ASTN2: variants seen among roughly 807,000 people sequenced by gnomAD.
The protein encoded by ASTN2 is astrotactin 2, also known as astrotactin-2.
Under a neutral mutation model 139.8 loss-of-function variants are expected in ASTN2, and 54 were observed. That is an observed-to-expected ratio of 0.39 (90% confidence interval 0.31 to 0.48). The LOEUF (loss-of-function observed/expected upper bound fraction) is 0.48. Among genes scored for constraint, ASTN2 ranks in the 20% least tolerant of loss-of-function variants. The pLI is 0.95. For synonymous variants in ASTN2, 756 were observed against 719.5 expected (o/e 1.05, Z -0.81); for missense variants, 1,565 against 1,725.1 (o/e 0.91, Z 1.64).
chr9:116,868,059 G>A (rs1422766621), intron 10 of ASTN2, among the ~76,000 whole-genome samples: 1 of 152,146 alleles, frequency 6.6e-6, no homozygotes, highest in African/African-American at 2.4e-5. Context: ...TGGGGGCGGA[G>A]GCAGGCTGGA....
chr9:116,781,533 G>A (rs1295582479), intron 13 of ASTN2, among the ~76,000 whole-genome samples: 1 of 152,258 alleles, frequency 6.6e-6, no homozygotes, highest in East Asian at 1.9e-4. Flanking sequence ...CGGTCCACAA[G>A]CCCAGCAGAG....
chr9:117,285,242 A>C (rs1178886623), intron 2 of ASTN2, among the ~76,000 whole-genome samples: 1 of 149,800 alleles, frequency 6.7e-6, no homozygotes. Context: ...GAGACCCCAT[A>C]GTTGGCTCAA....
At chr9:117,027,724 A>G (rs1054141299) in intron 6 of ASTN2, among the ~76,000 whole-genome samples, 1 of 152,184 alleles carries the variant, frequency 6.6e-6, no homozygotes, top group Non-Finnish European at 1.5e-5. Context: ...ACTCCTGTCT[A>G]TATGTCCTGA....
At chr9:116,806,968 G>A (rs1408999260) in intron 12 of ASTN2, among the ~76,000 whole-genome samples, 1 of 152,070 alleles carries the variant, frequency 6.6e-6, no homozygotes, top group Non-Finnish European at 1.5e-5. Context: ...GCAAAATAAG[G>A]AGCCAAGAAA....
At chr9:116,521,923 CACTA>C (rs1194621898) in intron 19 of ASTN2, among the ~76,000 whole-genome samples, 3 of 152,144 alleles carry the variant, frequency 2.0e-5, no homozygotes, top group South Asian at 4.1e-4. Context: ...TGCTCAACAT[CACTA>C]ACTATCAGAA....
intron 13 of ASTN2, among the ~76,000 whole-genome samples, chr9:116,787,770 T>G (rs529311627): frequency 6.6e-6 from 1 of 152,320 alleles, no homozygotes; most frequent in Non-Finnish European, 1.5e-5. Context: ...GATGTCTGTA[T>G]GCTGAATGGG....
intron 13 of ASTN2, among the ~76,000 whole-genome samples, chr9:116,781,706 A>G (rs1443671653): frequency 6.6e-6 from 1 of 152,062 alleles, no homozygotes; most frequent in Non-Finnish European, 1.5e-5. Context: ...TGATTCCTCC[A>G]TGGGTTTCTT....
chr9:116,690,841 T>C (rs1860530215), intron 16 of ASTN2, among the ~76,000 whole-genome samples: 1 of 152,202 alleles, frequency 6.6e-6, no homozygotes, highest in African/African-American at 2.4e-5. Flanking sequence ...AAAAAATGCC[T>C]GACAATAAAT....
chr9:117,372,640 C>T (rs2130915083), intron 1 of ASTN2, among the ~76,000 whole-genome samples: 1 of 152,150 alleles, frequency 6.6e-6, no homozygotes, highest in Admixed American at 6.5e-5. Context: ...GCATACAATA[C>T]AATAAAATGC....
intron 16 of ASTN2, among the ~76,000 whole-genome samples, chr9:116,712,565 G>C (rs1265312654): frequency 6.6e-6 from 1 of 152,150 alleles, no homozygotes; most frequent in African/African-American, 2.4e-5. Flanking sequence ...GCATCAGCTG[G>C]TTATGCCACC....
chr9:116,658,927 A>G (rs1250123328), intron 16 of ASTN2, among the ~76,000 whole-genome samples: 1 of 152,060 alleles, frequency 6.6e-6, no homozygotes, highest in East Asian at 1.9e-4. Flanking sequence ...ATTTGAAAGT[A>G]TGTTAGCAAT....
intron 4 of ASTN2, among the ~76,000 whole-genome samples, chr9:117,139,579 T>C (rs753722298): frequency 6.6e-6 from 1 of 152,190 alleles, no homozygotes; most frequent in Non-Finnish European, 1.5e-5. Context: ...TTTTACAGGA[T>C]TCAAGATTTT....
At chr9:117,150,976 C>A (rs949488480) in intron 3 of ASTN2, among the ~76,000 whole-genome samples, 1 of 152,022 alleles carries the variant, frequency 6.6e-6, no homozygotes, top group African/African-American at 2.4e-5. Flanking sequence ...ACTGGGAATG[C>A]GGGTGTGAGC....
chr9:116,440,766 A>G lies in ASTN2; in HGVS notation c.3625T>C (p.Tyr1209His). The G allele has an allele frequency of 6.2e-7, 1 of 1,614,110 alleles. No individual in the cohort carries two copies. ...EEIADKIYNL[Y>H]NGYTSGKEQQ... is the part of the protein sequence containing the mutation. ...TCCTTTCCACTTGTGTACCCATTGT[A>G]CAGATTGTAGATCTTGTCAGCTATT... is the stretch of plus-strand genomic sequence containing the variant. The change falls in exon 22 of 23, where the codon TAC (tyrosine) becomes CAC (histidine). Residue 1209 changes from tyrosine to histidine, a missense_variant. By Grantham distance (83) the Tyr-to-His change is moderately conservative. Around this residue, in one of 4 missense-constraint regions of ASTN2, gnomAD observed 418 missense variants for 465.8 expected, o/e 0.90. Coordinates refer to ENST00000313400, the MANE Select transcript of ASTN2 (RefSeq NM_001365068.1).
In ASTN2 at chr9:116,875,555, A is replaced by G. The variant is rs145416723; in HGVS notation, c.1890-11822T>C. On this transcript the variant is annotated intron_variant, in intron 10 of 22. Transcript: ENST00000313400. The stretch of plus-strand genomic sequence containing the variant: ...TCAAAAACATCTAGTTAACATAATT[A>G]ATGAAGGTGACTATGTCCAACAACC... 1.2e-3 allele frequency among the ~76,000 whole-genome samples: 188 copies of G among 152,304 alleles called. 1 individual carries two copies. Among genetic ancestry groups the G allele is most frequent in the African/African-American group, 4.4e-3 (181 of 41,558 alleles).
intron 19 of ASTN2, among the ~76,000 whole-genome samples, chr9:116,525,712 T>C (rs1032062665): frequency 2.0e-5 from 3 of 152,154 alleles, no homozygotes; most frequent in Admixed American, 1.3e-4. Flanking sequence ...CCAGTGTGCC[T>C]TCTCACTCCT....
chr9:117,114,111 T>C (rs556211073), intron 4 of ASTN2, among the ~76,000 whole-genome samples: 1 of 152,244 alleles, frequency 6.6e-6, no homozygotes, highest in Admixed American at 6.5e-5. Flanking sequence ...CAGAACATTT[T>C]CATTTTTGTT....
intron 20 of ASTN2, among the ~76,000 whole-genome samples, chr9:116,482,614 A>C (rs1473797361): frequency 6.6e-6 from 1 of 152,096 alleles, no homozygotes; most frequent in Non-Finnish European, 1.5e-5. Flanking sequence ...AACTGACCCA[A>C]CGTACCACTG....
intron 2 of ASTN2, among the ~76,000 whole-genome samples, chr9:117,243,998 A>G (rs1170029631): frequency 6.6e-6 from 1 of 152,094 alleles, no homozygotes; most frequent in Non-Finnish European, 1.5e-5. Flanking sequence ...TCATGGGGGC[A>G]GTGTCCCCCA....
Sources: allele counts gnomAD v4.1 joint callset (sites outside exome capture counted in the v4.1 genomes callset), GRCh38; gene constraint gnomAD v4.1.1; regional missense constraint gnomAD v4.1.1; transcripts MANE v1.5; gene names NCBI Gene and HGNC (gene_info 2026-07-23, HGNC 2026-07-21).